Variants in TRMT2B observed in about 807,000 individuals in gnomAD.
The protein encoded by TRMT2B is tRNA (uracil-5-)-methyltransferase homolog B.
TRMT2B carries 34 observed loss-of-function variants against 39.7 expected under a neutral mutation model. The observed-to-expected ratio is 0.86, with a 90% confidence interval of 0.65 to 1.14. TRMT2B has a LOEUF of 1.14. Ranked by LOEUF, TRMT2B falls within the 50% of genes most tolerant of loss-of-function variation. The pLI is 0.00. For missense variants in TRMT2B, 318 were observed against 377.2 expected (o/e 0.84, Z 1.30); for synonymous variants, 132 against 137.3 (o/e 0.96, Z 0.27).
chrX:101,033,134 T>C (rs1254012795), intron 7 of TRMT2B, among the ~76,000 whole-genome samples: 3 of 106,762 alleles, frequency 2.8e-5, no homozygotes, highest in African/African-American at 1.0e-4. Context: ...CGGGCCCCTA[T>C]AATCCCAGCT....
chrX:100,987,279 G>C, the TRMT2B span: 1 of 772,901 alleles, frequency 1.3e-6, no homozygotes, highest in Non-Finnish European at 1.8e-6. Flanking sequence ...GCCTCTCTAG[G>C]CATAGCAGAG....
chrX:101,026,038 G>GAGGA (rs765754574), intron 7 of TRMT2B, among the ~76,000 whole-genome samples: 1 of 95,704 alleles, frequency 1.0e-5, no homozygotes, highest in African/African-American at 3.8e-5. Flanking sequence ...AGAAGGGAGG[G>GAGGA]AGGAAGGAAG....
At chrX:101,032,757 A>G (rs1308499572) in intron 7 of TRMT2B, among the ~76,000 whole-genome samples, 2 of 98,649 alleles carry the variant, frequency 2.0e-5, no homozygotes, top group African/African-American at 3.8e-5. Context: ...GCCTGGGCAA[A>G]AAGACTGAAA....
At chrX:100,978,677 A>G in the TRMT2B span, among the ~76,000 whole-genome samples, 3,377 of 109,588 alleles carry the variant, frequency 0.031, 128 homozygotes, top group African/African-American at 0.1. Context: ...TGGAGAGTTT[A>G]GTCCATTTAT....
chrX:101,018,899 A>G (rs1378190119), intron 13 of TRMT2B, 72 bp downstream of exon 13: 3 of 699,263 alleles, frequency 4.3e-6, no homozygotes, highest in African/African-American at 4.3e-5. Context: ...TCACTTTCCA[A>G]TTGTGTGTAC....
intron 9 of TRMT2B, 73 bp downstream of exon 9, chrX:101,021,895 G>T: frequency 1.3e-6 from 1 of 787,598 alleles, no homozygotes; most frequent in Non-Finnish European, 2.0e-6. Context: ...CCATCAATCA[G>T]CAACCCTGCA....
chrX:101,004,729 G>A (rs984265731), downstream of TRMT2B, among the ~76,000 whole-genome samples: 4 of 110,740 alleles, frequency 3.6e-5, no homozygotes, highest in South Asian at 3.8e-4. Flanking sequence ...TCAAACTCCC[G>A]ATCTCAGGTG....
intron 13 of TRMT2B, chrX:101,015,521 A>C (rs1199212334): frequency 3.1e-6 from 1 of 322,320 alleles, no homozygotes; most frequent in Non-Finnish European, 4.1e-6. Flanking sequence ...TGAGAGAGAC[A>C]GCGTCCTCTC....
At chrX:100,991,809 C>CA in the TRMT2B span, among the ~76,000 whole-genome samples, 2 of 111,420 alleles carry the variant, frequency 1.8e-5, no homozygotes, top group African/African-American at 6.5e-5. Context: ...CCACTGCCTA[C>CA]AAAAAGCAGA....
the TRMT2B span, among the ~76,000 whole-genome samples, chrX:100,982,483 A>G: frequency 9.5e-6 from 1 of 105,075 alleles, no homozygotes; most frequent in Admixed American, 1.0e-4. Context: ...ATAAATAAAT[A>G]AATAAATAAA....
chrX:101,040,378 C>T (rs973962133), intron 4 of TRMT2B, among the ~76,000 whole-genome samples: 1 of 109,872 alleles, frequency 9.1e-6, no homozygotes, highest in African/African-American at 3.3e-5. Context: ...AAAGTTCTAA[C>T]ACCAGATGTG....
At chrX:101,004,254 T>G in the TRMT2B span, among the ~76,000 whole-genome samples, 16 of 82,322 alleles carry the variant, frequency 1.9e-4, no homozygotes, top group Non-Finnish European at 3.3e-4. Context: ...CATGACACTG[T>G]TTTTGGGAAA....
chrX:101,045,055 G>A (rs1203181349), intron 2 of TRMT2B, among the ~76,000 whole-genome samples: 1 of 105,936 alleles, frequency 9.4e-6, no homozygotes, highest in Non-Finnish European at 1.9e-5. Context: ...GGGGTGGGGT[G>A]CTCATGTCTG....
At chrX:100,977,369 CTTTTTTTTTTTTTT>C in the TRMT2B span, among the ~76,000 whole-genome samples, 6 of 56,457 alleles carry the variant, frequency 1.1e-4, no homozygotes, top group African/African-American at 7.2e-5. Flanking sequence ...CTACTCTCTT[CTTTTTTTTTTTTTT>C]TTTTTTTTTT....
chrX:101,019,418 C>T lies in TRMT2B; in HGVS notation c.1169-15G>A. The T allele has an allele frequency of 8.3e-7, 1 of 1,209,976 alleles. No homozygotes were observed. The highest frequency in any genetic ancestry group is 1.8e-5 in the South Asian group (1 of 56,724). On this transcript the variant is annotated splice_polypyrimidine_tract_variant and intron_variant, in intron 11 of 13. Transcript: ENST00000372936. ...GTTGGTGATGCCTATGGAAGACAGG[C>T]CCACAGGACATAACTCAAGCCCAGC... is the stretch of plus-strand genomic sequence containing the variant.
the TRMT2B span, among the ~76,000 whole-genome samples, chrX:101,000,121 A>AT: frequency 0.14 from 13,556 of 95,683 alleles, 1,013 homozygotes; most frequent in African/African-American, 0.23. Flanking sequence ...ATGAGAGTTA[A>AT]TTTTTTTTTT....
rs780460323 is a variant in TRMT2B at position 101,013,046 on chromosome X, C to G, written c.1389-2339G>C. The stretch of plus-strand genomic sequence containing the variant: ...ACGTTGGCCAGGCTGGTCTCAAACT[C>G]CTGACCTCAAGTGATCCGCCTACCT... On this transcript the variant is annotated intron_variant, in intron 13 of 13. Coordinates refer to ENST00000372936, the MANE Select transcript of TRMT2B (RefSeq NM_024917.6). 1.2e-4 allele frequency among the ~76,000 whole-genome samples: 13 copies of G among 111,016 alleles called. No individual in the cohort carries two copies. The East Asian group carries it at 3.7e-3, about 32-fold the overall frequency.
At chrX:100,994,170 T>A in the TRMT2B span, among the ~76,000 whole-genome samples, 3 of 111,582 alleles carry the variant, frequency 2.7e-5, no homozygotes, top group African/African-American at 9.8e-5. Flanking sequence ...CCCATATTTT[T>A]CTCTTTCAGA....
intron 13 of TRMT2B, among the ~76,000 whole-genome samples, chrX:101,017,893 TA>T (rs1484506876): frequency 8.9e-6 from 1 of 111,984 alleles, no homozygotes; most frequent in Non-Finnish European, 1.9e-5. Context: ...TAAAAAAATG[TA>T]ATATTTTGTT....
Sources: gnomAD v4.1 joint callset for allele counts (sites outside exome capture counted in the v4.1 genomes callset) on GRCh38, gnomAD v4.1.1 for gene constraint, MANE v1.5 for transcripts, NCBI Gene and HGNC (gene_info 2026-07-23, HGNC 2026-07-21) for gene names.